The following LRP1B variants were observed in gnomAD, a reference collection of about 807,000 sequenced individuals.
LRP1B encodes low-density lipoprotein receptor-related protein 1B.
In LRP1B, 217 loss-of-function variants were observed where a neutral mutation model predicts 556.6. That is an observed-to-expected ratio of 0.39 (90% CI 0.35 to 0.44). The LOEUF is 0.44. Among genes scored for constraint, LRP1B ranks in the 20% least tolerant of loss-of-function variants. LRP1B has a pLI of 1.00. For synonymous variants in LRP1B, 2,047 were observed against 1,865.8 expected (o/e 1.10, Z -2.50); for missense variants, 5,053 against 5,620.8 (o/e 0.90, Z 3.23).
chr2:140,826,400 G>A (rs1691509409), intron 31 of LRP1B, among the ~76,000 whole-genome samples: 1 of 151,960 alleles, frequency 6.6e-6, no homozygotes, highest in African/African-American at 2.4e-5. Context: ...TGTTTAAATT[G>A]CCCCAGTTGA....
At chr2:141,840,930 G>GA (rs1259990508) in intron 1 of LRP1B, among the ~76,000 whole-genome samples, 2 of 65,652 alleles carry the variant, frequency 3.0e-5, no homozygotes, top group African/African-American at 1.1e-4. Flanking sequence ...CATGCATCTA[G>GA]GGAAAAAAAA....
chr2:140,305,225 A>G (rs562585957), intron 83 of LRP1B, among the ~76,000 whole-genome samples: 4 of 152,224 alleles, frequency 2.6e-5, no homozygotes, highest in South Asian at 4.1e-4. Flanking sequence ...GGATGGCATT[A>G]AATCTATAAA....
chr2:141,384,224 GA>G (rs200837759), intron 3 of LRP1B, among the ~76,000 whole-genome samples: 3 of 149,990 alleles, frequency 2.0e-5, no homozygotes, highest in South Asian at 4.2e-4. Context: ...GTGAAAACAG[GA>G]AAAAAAAATG....
At chr2:141,416,795 T>C (rs939261073) in intron 3 of LRP1B, among the ~76,000 whole-genome samples, 7 of 152,162 alleles carry the variant, frequency 4.6e-5, no homozygotes, top group Admixed American at 1.3e-4. Context: ...GTGGAATCTT[T>C]GGGGCAAGGA....
chr2:141,544,350 T>TTCTTCTTCTTCTTCTTCC (rs1685445608), intron 2 of LRP1B, among the ~76,000 whole-genome samples: 1 of 86,308 alleles, frequency 1.2e-5, no homozygotes, highest in Admixed American at 1.4e-4. Flanking sequence ...CTTCTTCTTC[T>TTCTTCTTCTTCTTCTTCC]TCTTCTTCTT....
chr2:141,224,695 T>C (rs1227416739), intron 6 of LRP1B, among the ~76,000 whole-genome samples: 1 of 152,096 alleles, frequency 6.6e-6, no homozygotes, highest in Non-Finnish European at 1.5e-5. Flanking sequence ...GAAGCCATTA[T>C]CCTTAGCAAA....
chr2:142,077,941 C>T (rs539142147), intron 1 of LRP1B, among the ~76,000 whole-genome samples: 18 of 152,274 alleles, frequency 1.2e-4, no homozygotes, highest in African/African-American at 4.1e-4. Flanking sequence ...TAATTATCTA[C>T]TGCTTTGACT....
intron 15 of LRP1B, among the ~76,000 whole-genome samples, chr2:140,996,005 A>C (rs1427218058): frequency 6.6e-6 from 1 of 152,038 alleles, no homozygotes. Context: ...CAACGTAAAC[A>C]TGAATGTTAT....
At chr2:142,010,108 G>T (rs1408861600) in intron 1 of LRP1B, among the ~76,000 whole-genome samples, 1 of 151,994 alleles carries the variant, frequency 6.6e-6, no homozygotes, top group Non-Finnish European at 1.5e-5. Context: ...GAACATTTTG[G>T]CAATGCCCAA....
At chr2:141,604,116 G>C (rs576800647) in intron 2 of LRP1B, among the ~76,000 whole-genome samples, 1 of 152,056 alleles carries the variant, frequency 6.6e-6, no homozygotes. Context: ...AATGTATATC[G>C]ATGGATGGTC....
intron 1 of LRP1B, among the ~76,000 whole-genome samples, chr2:142,072,612 C>T (rs1049925052): frequency 1.3e-5 from 2 of 151,850 alleles, no homozygotes; most frequent in African/African-American, 4.8e-5. Flanking sequence ...TTGTTTAGCT[C>T]ATCAGGCATT....
Position 140,886,235 on chromosome 2 carries a change from G to A in LRP1B, c.3867C>T (p.Asn1289=). 1.9e-6 allele frequency: 3 copies of A among 1,608,662 alleles called. No homozygotes were observed. Among genetic ancestry groups the A allele is most frequent in the Non-Finnish European group, 1.7e-6 (2 of 1,175,652 alleles). ...DYSLLVPGLR[N]TIALDFHFNQ... ...TGAAGTGAAAATCAAGTGCTATTGT[G>A]TTTCTCAATCCAGGAACAAGTAGAC... Residue 1289 remains asparagine, a synonymous_variant, in exon 24 of 91, where the codon AAC becomes AAT. Coordinates refer to ENST00000389484, the MANE Select transcript of LRP1B (RefSeq NM_018557.3).
chr2:141,835,379 G>A (rs763754924), intron 1 of LRP1B, among the ~76,000 whole-genome samples: 1 of 151,734 alleles, frequency 6.6e-6, no homozygotes, highest in African/African-American at 2.4e-5. Context: ...GTCAACTCCA[G>A]TGTGGACAAA....
At chr2:140,483,520 G>T (rs1342635274) in intron 59 of LRP1B, among the ~76,000 whole-genome samples, 1 of 146,558 alleles carries the variant, frequency 6.8e-6, no homozygotes, top group Non-Finnish European at 1.5e-5. Context: ...AGCTAAGCCA[G>T]CCATATTGAT....
chr2:140,719,157 C>T (rs949866121), intron 35 of LRP1B, among the ~76,000 whole-genome samples: 2 of 152,036 alleles, frequency 1.3e-5, no homozygotes, highest in African/African-American at 4.8e-5. Flanking sequence ...CTTTCTGGCA[C>T]ATAATAAGCT....
intron 3 of LRP1B, chr2:141,286,752 C>T (rs1456773367): frequency 4.5e-6 from 2 of 442,684 alleles, no homozygotes; most frequent in Admixed American, 4.8e-5. Flanking sequence ...TGAATTTGTA[C>T]ATTGTACATT....
At chr2:140,966,382 C>A (rs1696223560) in intron 18 of LRP1B, among the ~76,000 whole-genome samples, 1 of 152,170 alleles carries the variant, frequency 6.6e-6, no homozygotes, top group African/African-American at 2.4e-5. Flanking sequence ...ATCCTTCACC[C>A]ACTTTTTGAT....
At chr2:140,872,825 A>G (rs1251695268) in intron 25 of LRP1B, among the ~76,000 whole-genome samples, 1 of 151,990 alleles carries the variant, frequency 6.6e-6, no homozygotes, top group Non-Finnish European at 1.5e-5. Flanking sequence ...GAAACAAGTT[A>G]TCATGAATCT....
intron 3 of LRP1B, among the ~76,000 whole-genome samples, chr2:141,462,492 G>C (rs1330024187): frequency 6.6e-6 from 1 of 151,768 alleles, no homozygotes; most frequent in Non-Finnish European, 1.5e-5. Flanking sequence ...AGGGCCTGTT[G>C]GGGGGTGGGG....
Sources: allele counts gnomAD v4.1 joint callset (sites outside exome capture counted in the v4.1 genomes callset), GRCh38; gene constraint gnomAD v4.1.1; transcripts MANE v1.5; gene names NCBI Gene and HGNC (gene_info 2026-07-23, HGNC 2026-07-21).